The following LMF1 variants were observed in gnomAD, a reference collection of about 807,000 sequenced individuals.
The protein encoded by LMF1 is transmembrane protein 112.
In LMF1, 68 loss-of-function variants were observed where a neutral mutation model predicts 60.6. The observed-to-expected ratio is 1.12, with a 90% CI of 0.92 to 1.37. LMF1 has a LOEUF of 1.37. LMF1 is among the 40% of genes most tolerant of loss of function. The pLI is 0.00. For synonymous variants in LMF1, 418 were observed against 324.7 expected, an observed-to-expected ratio of 1.29 and a Z score of -3.09; for missense variants, 948 against 767.2, an observed-to-expected ratio of 1.24 and a Z score of -2.78.
intron 3 of LMF1, among the ~76,000 whole-genome samples, chr16:926,619 G>A (rs577877472): frequency 5.9e-5 from 9 of 152,308 alleles, no homozygotes; most frequent in South Asian, 2.1e-4. Context: ...CAAAACAAGC[G>A]CCACCAAAGA....
intron 3 of LMF1, among the ~76,000 whole-genome samples, chr16:925,918 C>T (rs537218735): frequency 3.3e-5 from 5 of 152,320 alleles, no homozygotes; most frequent in African/African-American, 7.2e-5. Flanking sequence ...TGCATGTGCA[C>T]GTGTTTGCAT....
At chr16:955,429 G>A (rs1218783737) in intron 1 of LMF1, among the ~76,000 whole-genome samples, 3 of 140,406 alleles carry the variant, frequency 2.1e-5, no homozygotes, top group Non-Finnish European at 4.6e-5. Flanking sequence ...AACCAGACAC[G>A]TTACATAAAA....
At chr16:866,174 C>T (rs1461029055) in intron 10 of LMF1, among the ~76,000 whole-genome samples, 1 of 152,212 alleles carries the variant, frequency 6.6e-6, no homozygotes, top group Non-Finnish European at 1.5e-5. Context: ...AATTTTTCCA[C>T]TGAAAACTGA....
rs1374885151 is a variant in LMF1, at chr16:874,916, T to C, written c.898-3575A>G. ...ACCATATCATCCCCCAGACACCCTC[T>C]GCCCTGTACGCCTGTGGGGGCAAAA... On this transcript the variant is annotated intron_variant, in intron 6 of 10. Coordinates refer to ENST00000262301, the MANE Select transcript of LMF1 (RefSeq NM_022773.4). This position sits in a 1 kb window ranked among gnomAD's most constrained non-coding sequence, Gnocchi z 4.1. Among the ~76,000 whole-genome samples, 1 of 152,252 alleles carries C rather than the reference T, an allele frequency of 6.6e-6. No individual in the cohort carries two copies. The highest frequency in any genetic ancestry group is 1.9e-4 in the East Asian group (1 of 5,184).
At chr16:933,944 C>A in intron 3 of LMF1, 1 of 1,399,306 alleles carries the variant, frequency 7.1e-7, no homozygotes, top group Non-Finnish European at 9.4e-7. Context: ...GGGGGATGGG[C>A]CTGTGGGTGC....
intron 1 of LMF1, chr16:976,659 G>A (rs1010801274): frequency 6.6e-6 from 3 of 454,016 alleles, no homozygotes; most frequent in African/African-American, 4.0e-5. Flanking sequence ...CCCCCACACT[G>A]AGAGTGGAGA....
intron 3 of LMF1, chr16:931,514 T>C (rs2071783796): frequency 3.0e-6 from 2 of 656,396 alleles, no homozygotes; most frequent in African/African-American, 3.8e-5. Context: ...ACGCACAAAC[T>C]GCATTCTCCC....
At chr16:977,284 C>A (rs978596795) in intron 1 of LMF1, among the ~76,000 whole-genome samples, 1 of 152,346 alleles carries the variant, frequency 6.6e-6, no homozygotes, top group African/African-American at 2.4e-5. Context: ...CAGGGAGCTG[C>A]AACCCAGCCC....
At chr16:908,081 C>T (rs4984971) in intron 4 of LMF1, among the ~76,000 whole-genome samples, 1 of 151,950 alleles carries the variant, frequency 6.6e-6, no homozygotes, top group Non-Finnish European at 1.5e-5. Context: ...CTTCCCCCAC[C>T]CGGCTGCTGT....
intron 5 of LMF1, among the ~76,000 whole-genome samples, chr16:885,988 G>A (rs1384104537): frequency 6.6e-6 from 1 of 152,124 alleles, no homozygotes; most frequent in African/African-American, 2.4e-5. Context: ...AAAGACTCAA[G>A]GCATATCAAG....
chr16:973,289 G>A (rs2073082093), upstream of LMF1, among the ~76,000 whole-genome samples: 1 of 152,158 alleles, frequency 6.6e-6, no homozygotes, highest in Non-Finnish European at 1.5e-5. Flanking sequence ...AGGTTGCAGT[G>A]AGCCTAGATC....
At chr16:859,830 T>G (rs185659272) in intron 10 of LMF1, among the ~76,000 whole-genome samples, 1 of 110,082 alleles carries the variant, frequency 9.1e-6, no homozygotes, top group Admixed American at 9.5e-5. Context: ...TGTCTCGGGA[T>G]GGGTGTGAGT....
rs182119856 is a variant in LMF1, at chr16:922,301, G to C, written c.515-11222C>G. On this transcript the variant is annotated intron_variant, in intron 3 of 10. Coordinates refer to ENST00000262301, the MANE Select transcript of LMF1 (RefSeq NM_022773.4). ...GGGAGAAGGCAGCCACCTCCCGAGG[G>C]GGGCCACAGAGGGGGTTCTGATCCA... Among the ~76,000 whole-genome samples, 298 of 152,324 alleles carry C rather than the reference G, an allele frequency of 2.0e-3. 1 individual carries two copies. The highest frequency in any genetic ancestry group is 3.1e-3 in the South Asian group (15 of 4,830).
Position 853,843 on chromosome 16 carries a change from C to T in LMF1, c.*689G>A, listed in dbSNP as rs991149015. ...CAGCCTGGTGGAGGGTCTGGGTGTG[C>T]GCTGTGTCCATCTGCACCTCACAGA... On this transcript the variant is annotated 3_prime_UTR_variant, in exon 11 of 11. Coordinates refer to ENST00000262301, the MANE Select transcript of LMF1 (RefSeq NM_022773.4). 19 of 454,058 alleles carry T rather than the reference C, an allele frequency of 4.2e-5. 1 individual carries two copies. The highest frequency in any genetic ancestry group is 1.0e-4 in the African/African-American group (5 of 50,098). 28.1% of individuals were successfully genotyped at this position (454,058 alleles called of 1,614,324 possible). A position where few individuals can be genotyped will look rare whatever the true frequency, so the allele number is the denominator to read the frequency against.
intron 10 of LMF1, among the ~76,000 whole-genome samples, chr16:859,672 CA>C (rs1434575823): frequency 1.8e-4 from 2 of 11,082 alleles, no homozygotes; most frequent in Non-Finnish European, 3.1e-4. Context: ...GACGGGTGTG[CA>C]GTGGTGTCTC....
At chr16:872,018 C>T (rs576890302) in intron 6 of LMF1, 2 of 152,406 alleles carry the variant, frequency 1.3e-5, no homozygotes, top group African/African-American at 4.8e-5. Context: ...CGCTTCTGGA[C>T]ATCCCCGCAG....
intron 4 of LMF1, among the ~76,000 whole-genome samples, chr16:906,214 T>G: frequency 6.6e-6 from 1 of 152,206 alleles, no homozygotes; most frequent in Non-Finnish European, 1.5e-5. Context: ...GTTCTCTATT[T>G]TGCGGATGCA....
At chr16:943,766 T>G (rs1187306626) in intron 2 of LMF1, among the ~76,000 whole-genome samples, 1 of 150,494 alleles carries the variant, frequency 6.6e-6, no homozygotes, top group Non-Finnish European at 1.5e-5. Context: ...ATACTTCCCT[T>G]GAGTCCTGGT....
chr16:941,219 C>T (rs4984614), intron 2 of LMF1, among the ~76,000 whole-genome samples: 72,333 of 151,740 alleles, frequency 0.48, 18,870 homozygotes, highest in African/African-American at 0.69. Context: ...TACTTGATAC[C>T]TGATTTTTTT....
Sources: allele counts gnomAD v4.1 joint callset (sites outside exome capture counted in the v4.1 genomes callset), GRCh38; gene constraint gnomAD v4.1.1; non-coding constraint Gnocchi (gnomAD v3.1); transcripts MANE v1.5; gene names NCBI Gene and HGNC (gene_info 2026-07-23, HGNC 2026-07-21).